FIGN: variants seen among roughly 807,000 people sequenced by gnomAD.
FIGN encodes the protein fidgetin, microtubule severing factor.
In FIGN, 11 loss-of-function variants were observed where a neutral mutation model predicts 51.3. The observed-to-expected ratio is 0.21, with a 90% CI of 0.13 to 0.35. The LOEUF (loss-of-function observed/expected upper bound fraction) is 0.35. FIGN is among the 10% of genes least tolerant of loss of function. The probability of loss-of-function intolerance (pLI) is 1.00; values close to 1 mark genes in which losing one functional copy is unlikely to be tolerated. For synonymous variants in FIGN, 407 were observed against 363.2 expected, an observed-to-expected ratio of 1.12 and a Z score of -1.37; for missense variants, 857 against 943.6, an observed-to-expected ratio of 0.91 and a Z score of 1.20.
At chr2:163,710,918 G>A (rs1022788195) in intron 2 of FIGN, among the ~76,000 whole-genome samples, 5 of 152,064 alleles carry the variant, frequency 3.3e-5, no homozygotes, top group African/African-American at 4.8e-5. Context: ...GTACACAATG[G>A]CTTGTCTGAC....
rs1691114919 is a variant in FIGN, at chr2:163,606,510, T to C, written c.*3042A>G. 6.6e-6 allele frequency: 1 copy of C among 152,202 alleles called. No individual in the cohort carries two copies. The highest frequency in any genetic ancestry group is 6.6e-5 in the Admixed American group (1 of 15,266). The allele number at this position is 152,202 out of a possible 1,614,324, so 9.4% of individuals were successfully genotyped here. On this transcript the variant is annotated 3_prime_UTR_variant, in exon 3 of 3. Coordinates refer to ENST00000333129, the MANE Select transcript of FIGN (RefSeq NM_018086.4). ...ACCTTCATTAATAGCCTTCTCCAAATTCTTAGCAGTCAAAAAGAGGCCAAG... is the reference window on the plus strand; with the variant it reads ...ACCTTCATTAATAGCCTTCTCCAAACTCTTAGCAGTCAAAAAGAGGCCAAG...
At chr2:163,638,192 C>A (rs756749042) in intron 2 of FIGN, among the ~76,000 whole-genome samples, 6 of 151,884 alleles carry the variant, frequency 4.0e-5, no homozygotes, top group Non-Finnish European at 8.8e-5. Flanking sequence ...CTTCTCCAGC[C>A]CTTCTACGCT....
intron 2 of FIGN, among the ~76,000 whole-genome samples, chr2:163,626,475 C>T (rs1467850187): frequency 5.9e-5 from 9 of 152,036 alleles, no homozygotes; most frequent in Non-Finnish European, 1.5e-5. Context: ...AGAATGTATG[C>T]TTTCTATGTT....
intron 2 of FIGN, among the ~76,000 whole-genome samples, chr2:163,626,447 A>G (rs982964753): frequency 1.3e-5 from 2 of 152,208 alleles, no homozygotes; most frequent in African/African-American, 4.8e-5. Context: ...CATGTCAGGT[A>G]TGAATGTTTT....
chr2:163,650,740 A>G (rs1041874681), intron 2 of FIGN, among the ~76,000 whole-genome samples: 1 of 152,160 alleles, frequency 6.6e-6, no homozygotes, highest in African/African-American at 2.4e-5. Context: ...CTGAACCACC[A>G]AACTTATGTG....
intron 2 of FIGN, among the ~76,000 whole-genome samples, chr2:163,664,364 A>T (rs1003545448): frequency 1.3e-5 from 2 of 152,218 alleles, no homozygotes; most frequent in Non-Finnish European, 2.9e-5. Flanking sequence ...ATACTTTTGT[A>T]CATTTCCATA....
At chr2:163,704,496 T>C (rs1051201128) in intron 2 of FIGN, among the ~76,000 whole-genome samples, 2 of 152,072 alleles carry the variant, frequency 1.3e-5, no homozygotes, top group South Asian at 2.1e-4. Context: ...GCTTTGGTGA[T>C]GTTACATAGG....
At chr2:163,675,869 T>C (rs892813547) in intron 2 of FIGN, among the ~76,000 whole-genome samples, 62 of 150,006 alleles carry the variant, frequency 4.1e-4, no homozygotes, top group Non-Finnish European at 7.4e-5. Flanking sequence ...AAATATTCAC[T>C]TAAGGCTCCT....
rs188642168 is a variant in FIGN at position 163,720,231 on chromosome 2, T to C, written c.25+14672A>G. Among the ~76,000 whole-genome samples, 35 of 152,286 alleles carry C rather than the reference T, an allele frequency of 2.3e-4. 1 individual carries two copies. The East Asian group carries it at 6.7e-3, about 29-fold the overall frequency. On this transcript the variant is annotated intron_variant, in intron 2 of 2. Transcript: ENST00000333129. The stretch of plus-strand genomic sequence containing the variant: ...TAAAGAGAAACATTTGTAGGCTTGG[T>C]TCTGCAATAAAAATTGGTATCTGAT...
At chr2:163,718,197 A>G (rs1684699641) in intron 2 of FIGN, among the ~76,000 whole-genome samples, 1 of 152,186 alleles carries the variant, frequency 6.6e-6, no homozygotes. Flanking sequence ...AATTGTCAGC[A>G]CTCAGAGAAA....
chr2:163,720,852 T>C (rs1684745470), intron 2 of FIGN, among the ~76,000 whole-genome samples: 1 of 152,198 alleles, frequency 6.6e-6, no homozygotes, highest in South Asian at 2.1e-4. Context: ...TAATTTTATC[T>C]TTTAATTCAG....
intron 2 of FIGN, among the ~76,000 whole-genome samples, chr2:163,702,365 C>T (rs1449562350): frequency 6.6e-6 from 1 of 152,162 alleles, no homozygotes; most frequent in African/African-American, 2.4e-5. Flanking sequence ...TGTTCAGTGT[C>T]ACCTTCACAT....
At chr2:163,716,150 A>G (rs1427754624) in intron 2 of FIGN, among the ~76,000 whole-genome samples, 1 of 152,254 alleles carries the variant, frequency 6.6e-6, no homozygotes, top group Admixed American at 6.5e-5. Context: ...AAATGTAAAC[A>G]GCGTAATGAA....
At position 163,646,578 on chromosome 2, in the gene FIGN, TAAC is replaced by T. The variant is rs574876611; in HGVS notation, c.26-34775_26-34773del. 2.2e-4 allele frequency among the ~76,000 whole-genome samples: 34 copies of T among 152,332 alleles called. No individual in the cohort carries two copies. The East Asian group carries it at 5.2e-3, about 23-fold the overall frequency. ...ACAGCTATATGCTCTTTCAGTGAAA[TAAC>T]AATACAATGAAAGTACTAAGAAAAT... On this transcript the variant is annotated intron_variant, in intron 2 of 2. Coordinates refer to ENST00000333129, the MANE Select transcript of FIGN (RefSeq NM_018086.4).
In FIGN at chr2:163,611,483, C is replaced by T. The variant is rs528157365; in HGVS notation, c.349G>A (p.Ala117Thr). 1.2e-6 allele frequency: 2 copies of T among 1,614,190 alleles called. No homozygotes were observed. The highest frequency in any genetic ancestry group is 1.3e-5 in the African/African-American group (1 of 75,064). ...GGAACACAGTTCATGGGATAAACAG[C>T]TTCTGAATTCAAGGAAGGCTGCCAG... ...EPWQPSLNSE[A>T]VYPMNCVPDV... The change falls in exon 3 of 3, where the codon GCT (alanine) becomes ACT (threonine). Residue 117 changes from alanine (A) to threonine (T), a missense_variant. Ala to Thr is a moderately conservative substitution (Grantham distance 58). Coordinates refer to ENST00000333129, the MANE Select transcript of FIGN (RefSeq NM_018086.4).
In FIGN at chr2:163,610,131, G is replaced by T; in HGVS notation, c.1701C>A (p.Ile567=). 2 of 1,614,108 alleles carry T rather than the reference G, an allele frequency of 1.2e-6. No individual in the cohort carries two copies. The highest frequency in any genetic ancestry group is 1.7e-6 in the Non-Finnish European group (2 of 1,180,008). Residue 567 remains isoleucine, a synonymous_variant, in exon 3 of 3, where the codon ATC becomes ATA. Coordinates refer to ENST00000333129, the MANE Select transcript of FIGN (RefSeq NM_018086.4). ...ACCTGGCCACAAGAAAAGAGGCATG[G>T]ATAATTTTCTCTGCTTCTCCTAACC... ...AKWLGEAEKI[I]HASFLVARCR...
At position 163,610,610 on chromosome 2, in the gene FIGN, T is replaced by C; in HGVS notation, c.1222A>G (p.Lys408Glu). The part of the protein sequence containing the change: ...ALTPPSYSTA[K>E]NSLGSRSSES... ...CTGGATCTTGATCCCAATGAATTTT[T>C]AGCAGTACTGTAGGAAGGAGGGGTC... is the stretch of plus-strand genomic sequence containing the variant. Residue 408 changes from lysine to glutamate, a missense_variant, in exon 3 of 3, where the codon AAA becomes GAA. Lys to Glu is a moderately conservative substitution (Grantham distance 56). This residue lies in a region of FIGN where 799 missense variants were observed against 849.5 expected (regional missense o/e 0.94). Coordinates refer to ENST00000333129, the MANE Select transcript of FIGN (RefSeq NM_018086.4). 2 of 1,614,180 alleles carry C rather than the reference T, an allele frequency of 1.2e-6. No individual in the cohort carries two copies. Among genetic ancestry groups the C allele is most frequent in the South Asian group, 2.2e-5 (2 of 91,090 alleles).
chr2:163,728,675 G>A (rs560424614), intron 2 of FIGN, among the ~76,000 whole-genome samples: 3 of 152,246 alleles, frequency 2.0e-5, no homozygotes, highest in African/African-American at 7.2e-5. Context: ...AGGAAACCTA[G>A]TGACTTCTAC....
At chr2:163,723,139 C>T (rs1160420278) in intron 2 of FIGN, among the ~76,000 whole-genome samples, 1 of 151,572 alleles carries the variant, frequency 6.6e-6, no homozygotes, top group Non-Finnish European at 1.5e-5. Context: ...TGCAGTGAGC[C>T]GAGATCGCGC....
Sources: allele counts gnomAD v4.1 joint callset (sites outside exome capture counted in the v4.1 genomes callset), GRCh38; gene constraint gnomAD v4.1.1; regional missense constraint gnomAD v4.1.1; transcripts MANE v1.5; gene names NCBI Gene and HGNC (gene_info 2026-07-23, HGNC 2026-07-21).